The following PIK3C2G variants were observed in gnomAD, a reference collection of about 807,000 sequenced individuals.
The protein encoded by PIK3C2G is phosphatidylinositol-4-phosphate 3-kinase catalytic subunit type 2 gamma, also known as phosphatidylinositol 3-kinase C2 domain-containing subunit gamma.
In PIK3C2G, 168 loss-of-function variants were observed where a neutral mutation model predicts 181.1. The ratio of observed to expected loss-of-function variants is 0.93; its 90% CI spans 0.82 to 1.05. The LOEUF is 1.05. Among genes scored for constraint, PIK3C2G ranks in the 50% least tolerant of loss-of-function variants. The pLI, the probability that PIK3C2G is intolerant of heterozygous loss-of-function variation, is 0.00. For missense variants in PIK3C2G, 1,869 were observed against 1,732.8 expected (o/e 1.08, Z -1.40); for synonymous variants, 573 against 592.2 (o/e 0.97, Z 0.47).
intron 9 of PIK3C2G, among the ~76,000 whole-genome samples, chr12:18,342,477 A>C (rs1182993654): frequency 6.6e-6 from 1 of 152,060 alleles, no homozygotes; most frequent in Non-Finnish European, 1.5e-5. Flanking sequence ...CCTTAAATGC[A>C]AGACTTGAAA....
intron 16 of PIK3C2G, among the ~76,000 whole-genome samples, chr12:18,407,400 A>ACT (rs757735502): frequency 1.3e-5 from 2 of 152,112 alleles, no homozygotes; most frequent in African/African-American, 2.4e-5. Flanking sequence ...ATTAGTCCCA[A>ACT]CATCTATTTC....
chr12:18,358,702 A>G (rs1361033856), intron 11 of PIK3C2G: 3 of 473,410 alleles, frequency 6.3e-6, no homozygotes, highest in Non-Finnish European at 1.2e-5. Flanking sequence ...TCCAGGAACC[A>G]AAGAAAGAGC....
At chr12:18,674,240 A>G in the PIK3C2G span, among the ~76,000 whole-genome samples, 1 of 152,222 alleles carries the variant, frequency 6.6e-6, no homozygotes, top group African/African-American at 2.4e-5. Flanking sequence ...AAATTCAAAC[A>G]ATAGCTTAAT....
the PIK3C2G span, chr12:18,714,748 C>G: frequency 6.6e-6 from 1 of 152,174 alleles, no homozygotes; most frequent in African/African-American, 2.4e-5. Context: ...GCTGCCACAA[C>G]TGGAGATAGG....
chr12:18,549,378 TATA>T (rs913629507), intron 26 of PIK3C2G, among the ~76,000 whole-genome samples: 2 of 152,044 alleles, frequency 1.3e-5, no homozygotes, highest in African/African-American at 4.8e-5. Context: ...ATAAAAAGCA[TATA>T]ATAATAACTA....
chr12:18,685,799 C>T, the PIK3C2G span: 1 of 346,666 alleles, frequency 2.9e-6, no homozygotes, highest in Non-Finnish European at 6.0e-6. Flanking sequence ...GCCTCTGCCT[C>T]CCTTCCATCC....
At chr12:18,303,483 G>A (rs1282915046) in intron 5 of PIK3C2G, among the ~76,000 whole-genome samples, 1 of 151,794 alleles carries the variant, frequency 6.6e-6, no homozygotes, top group Non-Finnish European at 1.5e-5. Context: ...TTACAGGCAC[G>A]CACCACCACG....
chr12:18,318,806 A>T (rs1043056187), intron 6 of PIK3C2G, among the ~76,000 whole-genome samples: 1 of 151,894 alleles, frequency 6.6e-6, no homozygotes, highest in African/African-American at 2.4e-5. Flanking sequence ...AAAAAAAAAA[A>T]AAAGCAGGCC....
intron 9 of PIK3C2G, 105 bp downstream of exon 9, chr12:18,338,653 TTGTGTGTATCTGTGTG>T (rs1477804625): frequency 7.7e-5 from 55 of 716,416 alleles, no homozygotes; most frequent in South Asian, 5.2e-5. Context: ...GTGTGTATGT[TTGTGTGTATCTGTGTG>T]TGTGTGTGTG....
intron 30 of PIK3C2G, among the ~76,000 whole-genome samples, chr12:18,603,441 A>T (rs1164441414): frequency 1.3e-5 from 2 of 152,180 alleles, no homozygotes; most frequent in African/African-American, 4.8e-5. Flanking sequence ...AAGCTTGGAA[A>T]ACATATCTGG....
chr12:18,431,290 T>G (rs1250878036), intron 18 of PIK3C2G, among the ~76,000 whole-genome samples: 1 of 152,178 alleles, frequency 6.6e-6, no homozygotes, highest in South Asian at 2.1e-4. Context: ...GTTGAATGAT[T>G]AACAATAAAA....
At chr12:18,539,264 C>A (rs1944024507) in intron 25 of PIK3C2G, among the ~76,000 whole-genome samples, 1 of 151,846 alleles carries the variant, frequency 6.6e-6, no homozygotes, top group Non-Finnish European at 1.5e-5. Context: ...ACAACATCTA[C>A]CTTGTAGAGT....
chr12:18,650,702 G>GTATA (rs1950442587), downstream of PIK3C2G, among the ~76,000 whole-genome samples: 2 of 27,690 alleles, frequency 7.2e-5, no homozygotes, highest in Non-Finnish European at 2.3e-4. Flanking sequence ...GTGTGTGTGT[G>GTATA]TGTATATATC....
chr12:18,568,538 A>G (rs549564293), intron 29 of PIK3C2G, among the ~76,000 whole-genome samples: 1 of 152,218 alleles, frequency 6.6e-6, no homozygotes, highest in East Asian at 1.9e-4. Context: ...AGAGGAGATT[A>G]TTTACCATCT....
chr12:18,622,399 G>C (rs184855465), intron 31 of PIK3C2G, among the ~76,000 whole-genome samples: 2 of 151,872 alleles, frequency 1.3e-5, no homozygotes, highest in South Asian at 2.1e-4. Flanking sequence ...CTTTTCTTTT[G>C]AGGTTTAATA....
At chr12:18,356,234 C>T (rs915617893) in intron 11 of PIK3C2G, among the ~76,000 whole-genome samples, 1 of 152,208 alleles carries the variant, frequency 6.6e-6, no homozygotes, top group East Asian at 1.9e-4. Context: ...ATTTTGCTTA[C>T]CCTTCTGAAG....
At chr12:18,270,393 TA>T (rs1331942541) in intron 1 of PIK3C2G, among the ~76,000 whole-genome samples, 2 of 152,138 alleles carry the variant, frequency 1.3e-5, no homozygotes, top group Non-Finnish European at 2.9e-5. Flanking sequence ...TCTCTCTCAT[TA>T]ACCCCTGTTA....
At chr12:18,281,225 A>G (rs1949201223) in intron 1 of PIK3C2G, among the ~76,000 whole-genome samples, 1 of 151,254 alleles carries the variant, frequency 6.6e-6, no homozygotes, top group South Asian at 2.1e-4. Flanking sequence ...AACAGGGAAG[A>G]AAAAAAGCCC....
intron 18 of PIK3C2G, among the ~76,000 whole-genome samples, chr12:18,451,256 C>G (rs966568877): frequency 6.6e-6 from 1 of 152,082 alleles, no homozygotes; most frequent in African/African-American, 2.4e-5. Context: ...TTTCCCTGAG[C>G]GGTGGTTTGT....
Sources: gnomAD v4.1 joint callset for allele counts (sites outside exome capture counted in the v4.1 genomes callset) on GRCh38, gnomAD v4.1.1 for gene constraint, MANE v1.5 for transcripts, NCBI Gene and HGNC (gene_info 2026-07-23, HGNC 2026-07-21) for gene names.